SPINK8: variants seen among roughly 807,000 people sequenced by gnomAD.
SPINK8 encodes the protein serine protease inhibitor Kazal-type 8.
SPINK8 carries 12 observed loss-of-function variants against 14.4 expected under a neutral mutation model. The ratio of observed to expected loss-of-function variants is 0.83; its 90% CI spans 0.53 to 1.35. The LOEUF is 1.35. Ranked by LOEUF, SPINK8 falls within the 40% of genes most tolerant of loss-of-function variation. The pLI is 0.00. For synonymous variants in SPINK8, 32 were observed against 37.6 expected, an observed-to-expected ratio of 0.85 and a Z score of 0.55; for missense variants, 103 against 117.0, an observed-to-expected ratio of 0.88 and a Z score of 0.55.
chr3:48,323,650 A>C (rs1245472694), intron 4 of SPINK8, among the ~76,000 whole-genome samples: 2 of 152,192 alleles, frequency 1.3e-5, no homozygotes. Flanking sequence ...GTCCACATTT[A>C]TTCTTTTGTA....
At chr3:48,321,162 A>G in intron 4 of SPINK8, 88 bp from the exon 5 acceptor site, 1 of 1,335,802 alleles carries the variant, frequency 7.5e-7, no homozygotes, top group South Asian at 1.4e-5. Flanking sequence ...CCTAGTTGGC[A>G]CACAGGAAGC....
At chr3:48,312,597 C>G (rs566219086) in intron 6 of SPINK8, among the ~76,000 whole-genome samples, 1 of 151,914 alleles carries the variant, frequency 6.6e-6, no homozygotes, top group African/African-American at 2.4e-5. Flanking sequence ...GAACCAAGAT[C>G]GTGCCACTTC....
intron 7 of SPINK8, among the ~76,000 whole-genome samples, chr3:48,308,270 G>A (rs1420344386): frequency 6.6e-6 from 1 of 151,890 alleles, no homozygotes; most frequent in East Asian, 1.9e-4. Context: ...CACCGTGCCT[G>A]GCCCAGTCTG....
chr3:48,331,867 G>A (rs1363185155), intron 2 of SPINK8, among the ~76,000 whole-genome samples: 1 of 152,230 alleles, frequency 6.6e-6, no homozygotes, highest in Non-Finnish European at 1.5e-5. Context: ...CTAGTGTCCA[G>A]CAGACAGTTA....
Position 48,317,539 on chromosome 3 carries a change from G to A in SPINK8, c.239+1958C>T, listed in dbSNP as rs377609827. On this transcript the variant is annotated intron_variant, in intron 6 of 7. Coordinates refer to ENST00000434006, the MANE Select transcript of SPINK8 (RefSeq NM_001080525.3). ...ATTTATTTATTTATTTATTTGAGAC[G>A]GAGTCTCACTTTGTCACCCAGGCTG... Among the ~76,000 whole-genome samples the A allele has an allele frequency of 1.1e-4, 16 of 151,970 alleles. No homozygotes were observed. The East Asian group carries it at 1.2e-3, about 11-fold the overall frequency.
intron 4 of SPINK8, among the ~76,000 whole-genome samples, chr3:48,325,222 T>C (rs1019748573): frequency 6.6e-6 from 1 of 151,548 alleles, no homozygotes; most frequent in Non-Finnish European, 1.5e-5. Flanking sequence ...TGGATGTTGG[T>C]TTTTTTTTGT....
chr3:48,316,814 T>G (rs935114440), intron 6 of SPINK8, among the ~76,000 whole-genome samples: 2 of 151,788 alleles, frequency 1.3e-5, no homozygotes, highest in Non-Finnish European at 2.9e-5. Flanking sequence ...AAAAAGAAAA[T>G]GACAGTCAAC....
chr3:48,327,402 A>G (rs888839028), intron 4 of SPINK8, among the ~76,000 whole-genome samples: 1 of 152,224 alleles, frequency 6.6e-6, no homozygotes, highest in African/African-American at 2.4e-5. Flanking sequence ...GCAAAAATAT[A>G]AGGCCATACA....
At chr3:48,314,283 C>A (rs1014789780) in intron 6 of SPINK8, among the ~76,000 whole-genome samples, 1 of 151,046 alleles carries the variant, frequency 6.6e-6, no homozygotes, top group Non-Finnish European at 1.5e-5. Flanking sequence ...ACGAAAGCAA[C>A]AAGAACACTG....
intron 2 of SPINK8, among the ~76,000 whole-genome samples, chr3:48,330,544 G>A (rs2036241191): frequency 6.6e-6 from 1 of 152,088 alleles, no homozygotes; most frequent in African/African-American, 2.4e-5. Flanking sequence ...AGATTTAATA[G>A]AGTGGAAACA....
At chr3:48,330,999 G>A (rs924345388) in intron 2 of SPINK8, among the ~76,000 whole-genome samples, 1 of 151,958 alleles carries the variant, frequency 6.6e-6, no homozygotes, top group Non-Finnish European at 1.5e-5. Context: ...CAATATCACA[G>A]CATGGGCTAG....
At chr3:48,308,620 C>T (rs144832759) in intron 7 of SPINK8, among the ~76,000 whole-genome samples, 159 of 152,260 alleles carry the variant, frequency 1.0e-3, no homozygotes, top group African/African-American at 3.0e-3. Context: ...TTTTCTGGAT[C>T]GCTCTGATTT....
intron 5 of SPINK8, among the ~76,000 whole-genome samples, chr3:48,320,023 G>T (rs550384248): frequency 6.6e-6 from 1 of 152,050 alleles, no homozygotes; most frequent in Admixed American, 6.6e-5. Flanking sequence ...CCAGCTGCTG[G>T]GGAGGCTGAG....
At position 48,319,734 on chromosome 3, in the gene SPINK8, A is replaced by G. The variant is rs921623814; in HGVS notation, c.118-116T>C. 2.6e-5 allele frequency: 37 copies of G among 1,433,876 alleles called. No homozygotes were observed. In the East Asian group the frequency reaches 6.0e-4, roughly 23 times the overall value. The allele number at this position is 1,433,876 out of a possible 1,614,324, so 88.8% of individuals were successfully genotyped here. A position where few individuals can be genotyped will look rare whatever the true frequency, so the allele number is the denominator to read the frequency against. On this transcript the variant is annotated intron_variant, in intron 5 of 7. Transcript: ENST00000434006. ...GAGCACCAGATCAGGAGTTCAGAGA[A>G]AAGGATTCAGAAGCCTCAGTGTTTG...
At position 48,319,636 on chromosome 3, in the gene SPINK8, A is replaced by G; in HGVS notation, c.118-18T>C. The G allele has an allele frequency of 1.9e-6, 3 of 1,613,756 alleles. No homozygotes were observed. The highest frequency in any genetic ancestry group is 2.5e-6 in the Non-Finnish European group (3 of 1,179,764). On this transcript the variant is annotated intron_variant, in intron 5 of 7. Coordinates refer to ENST00000434006, the MANE Select transcript of SPINK8 (RefSeq NM_001080525.3). ...CATTCAACCTGAAGGTGAGACACAC[A>G]CAACTGCTTCAGACACTTTCATCCA...
intron 6 of SPINK8, among the ~76,000 whole-genome samples, chr3:48,317,509 CATTT>C (rs911724772): frequency 3.3e-5 from 5 of 151,796 alleles, no homozygotes; most frequent in Non-Finnish European, 7.4e-5. Flanking sequence ...AAAAAAGGAG[CATTT>C]ATTTATTTAT....
chr3:48,308,679 C>T (rs2035882217), intron 7 of SPINK8, among the ~76,000 whole-genome samples: 1 of 152,188 alleles, frequency 6.6e-6, no homozygotes, highest in South Asian at 2.1e-4. Flanking sequence ...CCTTACCAAT[C>T]CCTCTTTCTG....
At chr3:48,317,925 G>A (rs1437829881) in intron 6 of SPINK8, among the ~76,000 whole-genome samples, 4 of 151,578 alleles carry the variant, frequency 2.6e-5, no homozygotes, top group Non-Finnish European at 4.4e-5. Flanking sequence ...ATTTTTTTTT[G>A]TAGAGTCAGG....
In SPINK8 at chr3:48,325,920, T is replaced by C. The variant is rs143053901; in HGVS notation, c.67+2355A>G. Among the ~76,000 whole-genome samples the C allele has an allele frequency of 1.9e-4, 29 of 151,432 alleles. No individual in the cohort carries two copies. In the East Asian group the frequency reaches 2.2e-3, roughly 11 times the overall value. Reference sequence around the variant, plus strand: ...ACCGTCCTTTCTTTTCTTTTCTTTTTTTTTTTTTTGAGACACTGGGCTGAC... The same window carrying C: ...ACCGTCCTTTCTTTTCTTTTCTTTTCTTTTTTTTTGAGACACTGGGCTGAC... On this transcript the variant is annotated intron_variant, in intron 4 of 7. Coordinates refer to ENST00000434006, the MANE Select transcript of SPINK8 (RefSeq NM_001080525.3).
Sources: allele counts gnomAD v4.1 joint callset (sites outside exome capture counted in the v4.1 genomes callset), GRCh38; gene constraint gnomAD v4.1.1; transcripts MANE v1.5; gene names NCBI Gene and HGNC (gene_info 2026-07-23, HGNC 2026-07-21).